RIT1: variants seen among roughly 807,000 people sequenced by gnomAD.
The protein encoded by RIT1 is GTP-binding protein Rit1.
Under a neutral mutation model 25.6 loss-of-function variants are expected in RIT1, and 6 were observed. The ratio of observed to expected loss-of-function variants is 0.23; its 90% confidence interval spans 0.13 to 0.46. The LOEUF (loss-of-function observed/expected upper bound fraction) is 0.46, where lower values mean the gene tolerates loss of function less well. Ranked by LOEUF, RIT1 falls within the 20% of genes least tolerant of loss-of-function variation. RIT1 has a pLI of 0.99. For synonymous variants in RIT1, 81 were observed against 94.1 expected (o/e 0.86, Z 0.80); for missense variants, 219 against 284.4 (o/e 0.77, Z 1.65).
Position 155,904,506 on chromosome 1 carries a change from G to A in RIT1, c.238-4C>T, listed in dbSNP as rs1673392433. 6.2e-7 allele frequency: 1 copy of A among 1,609,594 alleles called. No homozygotes were observed. Among genetic ancestry groups the A allele is most frequent in the Non-Finnish European group, 8.5e-7 (1 of 1,176,390 alleles). On this transcript the variant is annotated splice_region_variant and splice_polypyrimidine_tract_variant and intron_variant, in intron 4 of 5. Coordinates refer to ENST00000368323, the MANE Select transcript of RIT1 (RefSeq NM_006912.6). ...CCCGCATGGCTGTAAACTCTGCCTA[G>A]AGGGAAACAAGGGTCATTATGTATT...
intron 4 of RIT1, 79 bp downstream of exon 4, chr1:155,904,652 G>A (rs1230259125): frequency 2.4e-6 from 3 of 1,238,834 alleles, no homozygotes; most frequent in Non-Finnish European, 3.5e-6. Flanking sequence ...ATAAACTATT[G>A]ATCTTCTCTG....
Position 155,899,416 on chromosome 1 carries a change from T to C in RIT1, c.*972A>G, listed in dbSNP as rs1011792202. 4.4e-6 allele frequency: 1 copy of C among 226,464 alleles called. No individual in the cohort carries two copies. The highest frequency in any genetic ancestry group is 2.2e-5 in the African/African-American group (1 of 44,914). The allele number at this position is 226,464 out of a possible 1,614,324, so 14.0% of individuals were successfully genotyped here. A position where few individuals can be genotyped will look rare whatever the true frequency, so the allele number is the denominator to read the frequency against. ...TTTTACCCACACCCCTGATGTCTCT[T>C]CTGTATGGAAAATGCAATCAGTGAT... On this transcript the variant is annotated 3_prime_UTR_variant, in exon 6 of 6. Coordinates refer to ENST00000368323, the MANE Select transcript of RIT1 (RefSeq NM_006912.6).
intron 3 of RIT1, 30 bp from the exon 4 acceptor site, chr1:155,904,834 A>C (rs1484419025): frequency 6.8e-7 from 1 of 1,462,672 alleles, no homozygotes; most frequent in African/African-American, 1.4e-5. Context: ...TGTACTATAA[A>C]GTCATAAATG....
chr1:155,904,863 T>C, intron 3 of RIT1, 59 bp from the exon 4 acceptor site: 1 of 1,124,874 alleles, frequency 8.9e-7, no homozygotes, highest in Non-Finnish European at 1.4e-6. Flanking sequence ...AATGCCTATT[T>C]AAAACTCATC....
chr1:155,904,085 G>A (rs890212092), intron 5 of RIT1, among the ~76,000 whole-genome samples: 6 of 152,138 alleles, frequency 3.9e-5, no homozygotes, highest in Non-Finnish European at 2.9e-5. Context: ...TGTATTTTTT[G>A]TAGAGATGGG....
chr1:155,906,529 G>A (rs1487373113), intron 3 of RIT1, among the ~76,000 whole-genome samples: 1 of 152,122 alleles, frequency 6.6e-6, no homozygotes, highest in Non-Finnish European at 1.5e-5. Context: ...GGGAGGCTGA[G>A]GCGGGTGGAT....
Position 155,910,424 on chromosome 1 carries a change from G to C in RIT1, c.163+26C>G, listed in dbSNP as rs752673936. On this transcript the variant is annotated intron_variant, in intron 3 of 5. Coordinates refer to ENST00000368323, the MANE Select transcript of RIT1 (RefSeq NM_006912.6). ...AAGATATTTTTATGGGGTATATTTGGAAACATAAGTGATGATCTGGCTTAC... is the reference window on the plus strand; with the variant it reads ...AAGATATTTTTATGGGGTATATTTGCAAACATAAGTGATGATCTGGCTTAC... 10 of 1,594,054 alleles carry C rather than the reference G, an allele frequency of 6.3e-6. No individual in the cohort carries two copies. The African/African-American group carries it at 1.3e-4, about 21-fold the overall frequency.
rs749375792 is a variant in RIT1, at chr1:155,904,700, C to T, written c.237+31G>A. On this transcript the variant is annotated intron_variant, in intron 4 of 5. Transcript: ENST00000368323. Reference sequence around the variant, plus strand: ...CCTCCCCTTTGCTAGAGTAAAAAAGCCTTTACTCATAACATTCTGGGATTT... The same window carrying T: ...CCTCCCCTTTGCTAGAGTAAAAAAGTCTTTACTCATAACATTCTGGGATTT... The T allele has an allele frequency of 2.1e-5, 32 of 1,518,874 alleles. No homozygotes were observed. In the Admixed American group the frequency reaches 5.4e-4, roughly 25 times the overall value. 94.1% of individuals were successfully genotyped at this position (1,518,874 alleles called of 1,614,324 possible). A position where few individuals can be genotyped will look rare whatever the true frequency, so the allele number is the denominator to read the frequency against.
chr1:155,911,030 C>A, intron 1 of RIT1: 1 of 967,612 alleles, frequency 1.0e-6, no homozygotes, highest in Non-Finnish European at 1.6e-6. Context: ...TTTACTTTTT[C>A]CAAAGAGAAA....
chr1:155,899,735 T>C lies in RIT1; in HGVS notation c.*653A>G, dbSNP rs1260157796. On this transcript the variant is annotated 3_prime_UTR_variant, in exon 6 of 6. Transcript: ENST00000368323. ...TTTTATGCTTCTGGCTGTTCTCACT[T>C]ATCCCGGTGAATTTGGGCCAAATGT... 4.5e-6 allele frequency: 1 copy of C among 224,092 alleles called. No homozygotes were observed. The highest frequency in any genetic ancestry group is 8.9e-6 in the Non-Finnish European group (1 of 112,332). The allele number at this position is 224,092 out of a possible 1,614,324, so 13.9% of individuals were successfully genotyped here. A position where few individuals can be genotyped will look rare whatever the true frequency, so the allele number is the denominator to read the frequency against.
intron 5 of RIT1, 98 bp downstream of exon 5, chr1:155,904,213 C>CA (rs1673381940): frequency 3.1e-6 from 3 of 974,346 alleles, no homozygotes; most frequent in Middle Eastern, 3.3e-4. Flanking sequence ...TATTTTAAGG[C>CA]AAAAAAATCT....
rs1167901004 is a variant in RIT1 at position 155,903,354 on chromosome 1, A to G, written c.429+957T>C. Among the ~76,000 whole-genome samples the G allele has an allele frequency of 2.7e-5, 4 of 149,882 alleles. No homozygotes were observed. In the East Asian group the frequency reaches 8.4e-4, roughly 32 times the overall value. On this transcript the variant is annotated intron_variant, in intron 5 of 5. Coordinates refer to ENST00000368323, the MANE Select transcript of RIT1 (RefSeq NM_006912.6). ...TGTAATCCCAGCTACTCAGGAGGCTAAGGCAGGAGACTCACTTGAACCCAG... is the reference window on the plus strand; with the variant it reads ...TGTAATCCCAGCTACTCAGGAGGCTGAGGCAGGAGACTCACTTGAACCCAG...
chr1:155,902,516 A>G (rs996825404), intron 5 of RIT1, among the ~76,000 whole-genome samples: 21 of 151,708 alleles, frequency 1.4e-4, no homozygotes, highest in Non-Finnish European at 2.6e-4. Flanking sequence ...AGCCTGGGTG[A>G]TAAGAGTGAA....
chr1:155,908,171 C>A (rs1213915171), intron 3 of RIT1, among the ~76,000 whole-genome samples: 1 of 150,948 alleles, frequency 6.6e-6, no homozygotes, highest in Non-Finnish European at 1.5e-5. Flanking sequence ...AAGGGAAAGA[C>A]GCGGCCGGGC....
intron 5 of RIT1, among the ~76,000 whole-genome samples, chr1:155,902,543 A>T (rs1226388117): frequency 6.6e-6 from 1 of 151,140 alleles, no homozygotes; most frequent in Non-Finnish European, 1.5e-5. Context: ...TCTAAAAAAC[A>T]ACACAAAACA....
At chr1:155,906,844 G>A (rs1016419706) in intron 3 of RIT1, among the ~76,000 whole-genome samples, 1 of 151,522 alleles carries the variant, frequency 6.6e-6, no homozygotes, top group Non-Finnish European at 1.5e-5. Flanking sequence ...TGGCTCTCAC[G>A]CCTGTAATCT....
intron 5 of RIT1, among the ~76,000 whole-genome samples, chr1:155,901,097 C>T (rs1236196909): frequency 6.6e-6 from 1 of 152,146 alleles, no homozygotes; most frequent in Non-Finnish European, 1.5e-5. Context: ...TTACAGGCGT[C>T]GGCCACTGTG....
rs892904445 is a variant in RIT1 at position 155,902,141 on chromosome 1, G to A, written c.430-1523C>T. On this transcript the variant is annotated intron_variant, in intron 5 of 5. Coordinates refer to ENST00000368323, the MANE Select transcript of RIT1 (RefSeq NM_006912.6). The stretch of plus-strand genomic sequence containing the variant: ...TCTGGGAAAAAACAAACATGTTACA[G>A]TGTTTTTTGTAGATTCTCGTTCTAT... Among the ~76,000 whole-genome samples the A allele has an allele frequency of 6.3e-4, 96 of 152,236 alleles. 1 individual carries two copies. The highest frequency in any genetic ancestry group is 2.3e-3 in the African/African-American group (95 of 41,534).
rs547298339 is a variant in RIT1 at position 155,899,630 on chromosome 1, T to C, written c.*758A>G. The C allele has an allele frequency of 1.5e-4, 32 of 215,056 alleles. No individual in the cohort carries two copies. Among genetic ancestry groups the C allele is most frequent in the African/African-American group, 6.8e-4 (30 of 44,168 alleles). 13.3% of individuals were successfully genotyped at this position (215,056 alleles called of 1,614,324 possible). A position where few individuals can be genotyped will look rare whatever the true frequency, so the allele number is the denominator to read the frequency against. ...TAATACAGTTATGATTCCCAAAATG[T>C]CTACCTTTGAAGGTAAAAAAAAAAA... On this transcript the variant is annotated 3_prime_UTR_variant, in exon 6 of 6. Coordinates refer to ENST00000368323, the MANE Select transcript of RIT1 (RefSeq NM_006912.6).
Sources: gnomAD v4.1 joint callset for allele counts (sites outside exome capture counted in the v4.1 genomes callset) on GRCh38, gnomAD v4.1.1 for gene constraint, MANE v1.5 for transcripts, NCBI Gene and HGNC (gene_info 2026-07-23, HGNC 2026-07-21) for gene names.